The following RNGTT variants were observed in gnomAD, a reference collection of about 807,000 sequenced individuals.
RNGTT encodes RNA guanylyltransferase and 5'-phosphatase.
In RNGTT, 33 loss-of-function variants were observed where a neutral mutation model predicts 79.3. That is an observed-to-expected ratio of 0.42 (90% CI 0.32 to 0.56). The LOEUF (loss-of-function observed/expected upper bound fraction) is 0.56, where lower values mean the gene tolerates loss of function less well. Among genes scored for constraint, RNGTT ranks in the 20% least tolerant of loss-of-function variants. RNGTT has a pLI of 0.17. For synonymous variants in RNGTT, 222 were observed against 235.9 expected (o/e 0.94, Z 0.54); for missense variants, 497 against 739.1 (o/e 0.67, Z 3.80).
intron 12 of RNGTT, among the ~76,000 whole-genome samples, chr6:88,771,315 G>GTATACA (rs1778662374): frequency 1.6e-5 from 1 of 62,070 alleles, no homozygotes; most frequent in South Asian, 5.7e-4. Flanking sequence ...GTGTGTGTGT[G>GTATACA]TATATATATA....
At position 88,891,929 on chromosome 6, in the gene RNGTT, A is replaced by G. The variant is rs1562305612; in HGVS notation, c.685-14T>C. The G allele has an allele frequency of 1.1e-5, 16 of 1,464,454 alleles. No homozygotes were observed. The highest frequency in any genetic ancestry group is 1.4e-5 in the Non-Finnish European group (15 of 1,082,442). The allele number at this position is 1,464,454 out of a possible 1,614,324, so 90.7% of individuals were successfully genotyped here. A position where few individuals can be genotyped will look rare whatever the true frequency, so the allele number is the denominator to read the frequency against. ...GAAAATAGCGCCCTTTAAAAAAAAA[A>G]TAAGAAAAATAAGGGAAAGAAAAAT... On this transcript the variant is annotated splice_polypyrimidine_tract_variant and intron_variant, in intron 6 of 15. Transcript: ENST00000369485.
chr6:88,853,692 T>C lies in RNGTT; in HGVS notation c.969A>G (p.Ser323=), dbSNP rs1781748852. 1.3e-6 allele frequency: 2 copies of C among 1,590,714 alleles called. No homozygotes were observed. The highest frequency in any genetic ancestry group is 1.4e-5 in the African/African-American group (1 of 74,000). Residue 323 remains serine (S), a synonymous_variant, in exon 9 of 16, where the codon TCA becomes TCG. Transcript: ENST00000369485. Reference sequence around the variant, plus strand: ...CTTTACGAAATGGAAATTCCAGATTTGAAACATGAAATACTGAATTGTCTC... The same window carrying C: ...CTTTACGAAATGGAAATTCCAGATTCGAAACATGAAATACTGAATTGTCTC... ...IDRDNSVFHV[S]NLEFPFRKDL...
chr6:88,733,366 C>T (rs574366396), intron 13 of RNGTT, among the ~76,000 whole-genome samples: 3 of 150,868 alleles, frequency 2.0e-5, no homozygotes, highest in Non-Finnish European at 3.0e-5. Flanking sequence ...CTTCACCCCC[C>T]ACCCCCCCTC....
chr6:88,853,210 A>T (rs1781727302), intron 9 of RNGTT, among the ~76,000 whole-genome samples: 1 of 152,210 alleles, frequency 6.6e-6, no homozygotes, highest in African/African-American at 2.4e-5. Flanking sequence ...TTAACATCCT[A>T]ATAAAAGTTA....
intron 13 of RNGTT, among the ~76,000 whole-genome samples, chr6:88,731,081 TA>T (rs1777097833): frequency 6.6e-6 from 1 of 151,808 alleles, no homozygotes. Flanking sequence ...AGAATTAAAA[TA>T]GATTACAAAT....
intron 11 of RNGTT, among the ~76,000 whole-genome samples, chr6:88,836,011 C>G (rs1351124969): frequency 1.6e-5 from 2 of 121,816 alleles, no homozygotes; most frequent in African/African-American, 5.7e-5. Flanking sequence ...CACACACACA[C>G]ACACACACAC....
chr6:88,908,008 A>G (rs1783711875), intron 4 of RNGTT, among the ~76,000 whole-genome samples: 1 of 152,172 alleles, frequency 6.6e-6, no homozygotes, highest in South Asian at 2.1e-4. Context: ...GTCTGGGATT[A>G]CAGGCATGAG....
intron 1 of RNGTT, among the ~76,000 whole-genome samples, chr6:88,952,085 C>T (rs1785269513): frequency 6.6e-6 from 1 of 152,082 alleles, no homozygotes; most frequent in Admixed American, 6.5e-5. Context: ...TGAGGGGGTG[C>T]ACCACAGAAG....
intron 6 of RNGTT, among the ~76,000 whole-genome samples, chr6:88,897,402 A>T (rs1783287194): frequency 6.6e-6 from 1 of 152,040 alleles, no homozygotes; most frequent in Admixed American, 6.6e-5. Flanking sequence ...AAGACCTATT[A>T]CTCCAAAAAC....
chr6:88,740,896 T>A (rs900973325), intron 13 of RNGTT, among the ~76,000 whole-genome samples: 16 of 151,910 alleles, frequency 1.1e-4, no homozygotes, highest in Middle Eastern at 3.2e-3. Context: ...GTAAAATTTT[T>A]AAAAAAAAGA....
At chr6:88,945,146 G>C (rs1202026836) in intron 1 of RNGTT, among the ~76,000 whole-genome samples, 2 of 152,042 alleles carry the variant, frequency 1.3e-5, no homozygotes, top group Non-Finnish European at 2.9e-5. Flanking sequence ...ATTCCTTTTG[G>C]CCACGCTATC....
At chr6:88,725,729 C>T (rs1322432151) in intron 13 of RNGTT, among the ~76,000 whole-genome samples, 1 of 152,116 alleles carries the variant, frequency 6.6e-6, no homozygotes, top group African/African-American at 2.4e-5. Context: ...CACAAACCTC[C>T]GGTAGTAAGA....
At chr6:88,632,434 A>G (rs758969253) in intron 14 of RNGTT, among the ~76,000 whole-genome samples, 3 of 152,148 alleles carry the variant, frequency 2.0e-5, no homozygotes, top group African/African-American at 7.2e-5. Context: ...AACAAAAGGT[A>G]TAACTTTGCA....
At chr6:88,951,891 A>G (rs1487289118) in intron 1 of RNGTT, among the ~76,000 whole-genome samples, 1 of 152,176 alleles carries the variant, frequency 6.6e-6, no homozygotes, top group Non-Finnish European at 1.5e-5. Context: ...GAAACTCATA[A>G]TAATTTTGAC....
chr6:88,927,012 T>C (rs1784340624), intron 4 of RNGTT, among the ~76,000 whole-genome samples: 1 of 152,176 alleles, frequency 6.6e-6, no homozygotes, highest in African/African-American at 2.4e-5. Flanking sequence ...AGTTTTTCCG[T>C]TAATTATCTA....
chr6:88,693,765 G>A (rs1306027230), intron 13 of RNGTT, among the ~76,000 whole-genome samples: 2 of 152,090 alleles, frequency 1.3e-5, no homozygotes, highest in Non-Finnish European at 2.9e-5. Flanking sequence ...CAATCAGTAG[G>A]ATTTATCCCC....
intron 14 of RNGTT, among the ~76,000 whole-genome samples, chr6:88,668,184 G>A (rs1325923373): frequency 6.6e-6 from 1 of 152,134 alleles, no homozygotes; most frequent in East Asian, 1.9e-4. Context: ...GCCCCTTTGT[G>A]GCCACGGTGG....
chr6:88,918,592 TG>T (rs2127949112), intron 4 of RNGTT, among the ~76,000 whole-genome samples: 1 of 152,184 alleles, frequency 6.6e-6, no homozygotes, highest in East Asian at 1.9e-4. Flanking sequence ...ATTAAGTTTC[TG>T]AAAGAAGAAA....
chr6:88,853,358 A>T (rs1318020495), intron 9 of RNGTT, among the ~76,000 whole-genome samples: 9 of 152,132 alleles, frequency 5.9e-5, no homozygotes, highest in Admixed American at 6.5e-5. Flanking sequence ...TCCAAAAATT[A>T]GCCGGGCGTG....
Sources: gnomAD v4.1 joint callset for allele counts (sites outside exome capture counted in the v4.1 genomes callset) on GRCh38, gnomAD v4.1.1 for gene constraint, MANE v1.5 for transcripts, NCBI Gene and HGNC (gene_info 2026-07-23, HGNC 2026-07-21) for gene names.